PDE4B: variants seen among roughly 807,000 people sequenced by gnomAD.
PDE4B encodes the protein phosphodiesterase 4B.
PDE4B carries 20 observed loss-of-function variants against 82.2 expected under a neutral mutation model. The observed-to-expected ratio is 0.24, with a 90% CI of 0.17 to 0.35. PDE4B has a LOEUF of 0.35. PDE4B is among the 10% of genes least tolerant of loss of function. The pLI, the probability that PDE4B is intolerant of heterozygous loss-of-function variation, is 1.00. For synonymous variants in PDE4B, 320 were observed against 318.9 expected (o/e 1.00, Z -0.04); for missense variants, 655 against 907.2 (o/e 0.72, Z 3.57).
chr1:65,974,439 C>G (rs935350173), intron 3 of PDE4B, among the ~76,000 whole-genome samples: 1 of 152,182 alleles, frequency 6.6e-6, no homozygotes, highest in Non-Finnish European at 1.5e-5. Context: ...TATAGGTGCT[C>G]ATAGTTGATC....
At chr1:65,997,917 A>G (rs1488885980) in intron 3 of PDE4B, among the ~76,000 whole-genome samples, 7 of 152,216 alleles carry the variant, frequency 4.6e-5, no homozygotes, top group Non-Finnish European at 1.0e-4. Flanking sequence ...CAATGTGTTA[A>G]GGGAAGTTTC....
intron 3 of PDE4B, among the ~76,000 whole-genome samples, chr1:66,000,259 C>T (rs190269543): frequency 9.2e-5 from 14 of 152,304 alleles, no homozygotes; most frequent in Non-Finnish European, 2.9e-5. Flanking sequence ...GGGGAATCTA[C>T]TTGTTATTTT....
Position 66,365,652 on chromosome 1 carries a change from T to TA in PDE4B, c.1285-15_1285-14insA. 1 of 1,545,290 alleles carries TA rather than the reference T, an allele frequency of 6.5e-7. No individual in the cohort carries two copies. The highest frequency in any genetic ancestry group is 8.9e-7 in the Non-Finnish European group (1 of 1,119,492). ...GAATTGGATGTGTAGTTAAATGTGT[T>TA]TATTTGCCCGACAGGCTGTCTTCAC... On this transcript the variant is annotated splice_polypyrimidine_tract_variant and intron_variant, in intron 12 of 16. Transcript: ENST00000341517.
chr1:65,951,299 AT>A (rs1445586193), intron 3 of PDE4B, among the ~76,000 whole-genome samples: 1 of 152,022 alleles, frequency 6.6e-6, no homozygotes, highest in African/African-American at 2.4e-5. Flanking sequence ...GCCAGTGAAA[AT>A]TTCTTTATAC....
intron 7 of PDE4B, among the ~76,000 whole-genome samples, chr1:66,276,678 T>G (rs1376273136): frequency 6.6e-6 from 1 of 152,256 alleles, no homozygotes; most frequent in Admixed American, 6.5e-5. Context: ...AAATTCATAC[T>G]GTATACAAGG....
chr1:65,972,242 A>G (rs577965272), intron 3 of PDE4B, among the ~76,000 whole-genome samples: 1 of 152,336 alleles, frequency 6.6e-6, no homozygotes, highest in Non-Finnish European at 1.5e-5. Flanking sequence ...TTTGGGAATC[A>G]GTTTGCCATT....
In PDE4B at chr1:65,925,340, A is replaced by G. The variant is rs192680263; in HGVS notation, c.281+6505A>G. Among the ~76,000 whole-genome samples the G allele has an allele frequency of 1.4e-3, 214 of 152,332 alleles. 2 individuals are homozygous for G. The highest frequency in any genetic ancestry group is 4.8e-3 in the African/African-American group (200 of 41,556). ...TACCCCGGAACTGAAAATTAAAAAA[A>G]ATTCCTTACTACTATTTAAAAAAAC... On this transcript the variant is annotated intron_variant, in intron 3 of 16. Coordinates refer to ENST00000341517, the MANE Select transcript of PDE4B (RefSeq NM_002600.4).
intron 3 of PDE4B, among the ~76,000 whole-genome samples, chr1:66,191,027 T>C (rs764188219): frequency 2.6e-5 from 4 of 152,192 alleles, no homozygotes; most frequent in Admixed American, 6.5e-5. Flanking sequence ...ATTTTAATTA[T>C]TTGAAAGCAA....
At chr1:66,087,068 C>T (rs750700734) in intron 3 of PDE4B, among the ~76,000 whole-genome samples, 1 of 152,062 alleles carries the variant, frequency 6.6e-6, no homozygotes, top group Non-Finnish European at 1.5e-5. Context: ...TAAGTCTGTA[C>T]CTGTTCTTTA....
intron 1 of PDE4B, among the ~76,000 whole-genome samples, chr1:65,802,213 C>T (rs1645701537): frequency 6.6e-6 from 1 of 152,100 alleles, no homozygotes; most frequent in Admixed American, 6.5e-5. Context: ...GAAGATAGTT[C>T]TTAATAACCG....
intron 1 of PDE4B, among the ~76,000 whole-genome samples, chr1:65,885,232 A>G (rs1390692018): frequency 2.0e-5 from 3 of 152,142 alleles, no homozygotes; most frequent in Non-Finnish European, 4.4e-5. Context: ...AGAGGATGTG[A>G]AGAAATAGGA....
rs139992150 is a variant in PDE4B, at chr1:66,344,844, A to G, written c.748-10683A>G. On this transcript the variant is annotated intron_variant, in intron 8 of 16. Transcript: ENST00000341517. ...AAACTCTGCATCTGCCCGAGGGAAC[A>G]TTAGTTATGAGACAGTGCAGAGATT... is the stretch of plus-strand genomic sequence containing the variant. Among the ~76,000 whole-genome samples the G allele has an allele frequency of 2.9e-3, 438 of 152,286 alleles. 3 individuals are homozygous for G. Among genetic ancestry groups the G allele is most frequent in the African/African-American group, 1.0e-2 (414 of 41,554 alleles).
intron 8 of PDE4B, among the ~76,000 whole-genome samples, chr1:66,350,679 T>G (rs1469275961): frequency 6.6e-6 from 1 of 152,168 alleles, no homozygotes; most frequent in Non-Finnish European, 1.5e-5. Flanking sequence ...TCCAGTTCAC[T>G]CCTCCTATGT....
chr1:66,089,371 G>T (rs894136406), intron 3 of PDE4B, among the ~76,000 whole-genome samples: 3 of 152,060 alleles, frequency 2.0e-5, no homozygotes, highest in Non-Finnish European at 4.4e-5. Flanking sequence ...TCTCAGATTT[G>T]TGTTGTGTTC....
At chr1:66,361,878 A>G (rs1231167780) in intron 10 of PDE4B, 85 bp downstream of exon 10, 1 of 1,101,930 alleles carries the variant, frequency 9.1e-7, no homozygotes, top group Non-Finnish European at 1.3e-6. Flanking sequence ...AATAGTATGG[A>G]TTGCTTTTGC....
At chr1:66,307,913 G>A (rs1658398307) in intron 7 of PDE4B, among the ~76,000 whole-genome samples, 1 of 152,118 alleles carries the variant, frequency 6.6e-6, no homozygotes, top group Non-Finnish European at 1.5e-5. Context: ...GAGGGCCAAG[G>A]TCAGGTTCTC....
At chr1:66,079,593 A>C (rs1030758245) in intron 3 of PDE4B, among the ~76,000 whole-genome samples, 9 of 152,188 alleles carry the variant, frequency 5.9e-5, no homozygotes, top group African/African-American at 2.2e-4. Context: ...CTGATTAGAG[A>C]ATAGAAAGAG....
chr1:65,958,250 A>G (rs1649359089), intron 3 of PDE4B, among the ~76,000 whole-genome samples: 1 of 152,036 alleles, frequency 6.6e-6, no homozygotes, highest in Non-Finnish European at 1.5e-5. Flanking sequence ...GGTTTTTTTA[A>G]AAAATTTATT....
chr1:66,195,946 T>A (rs1013807648), intron 3 of PDE4B, among the ~76,000 whole-genome samples: 11 of 151,854 alleles, frequency 7.2e-5, no homozygotes, highest in African/African-American at 2.7e-4. Flanking sequence ...ATTTTGTTAG[T>A]GGTCGTTGGC....
Sources: gnomAD v4.1 joint callset for allele counts (sites outside exome capture counted in the v4.1 genomes callset) on GRCh38, gnomAD v4.1.1 for gene constraint, MANE v1.5 for transcripts, NCBI Gene and HGNC (gene_info 2026-07-23, HGNC 2026-07-21) for gene names.